CCDC171: variants seen among roughly 807,000 people sequenced by gnomAD.
The protein encoded by CCDC171 is coiled-coil domain-containing protein 171.
CCDC171 carries 177 observed loss-of-function variants against 168.2 expected under a neutral mutation model. The observed-to-expected ratio is 1.05, with a 90% confidence interval of 0.93 to 1.19. CCDC171 has a LOEUF of 1.19. Among genes scored for constraint, CCDC171 ranks in the 50% most tolerant of loss-of-function variants. The probability of loss-of-function intolerance (pLI) is 0.00; values close to 1 mark genes in which losing one functional copy is unlikely to be tolerated. For missense variants in CCDC171, 1,991 were observed against 1,539.0 expected, an observed-to-expected ratio of 1.29 and a Z score of -4.91; for synonymous variants, 687 against 540.8, an observed-to-expected ratio of 1.27 and a Z score of -3.75.
intron 6 of CCDC171, among the ~76,000 whole-genome samples, chr9:15,620,413 G>A (rs1320240905): frequency 6.6e-6 from 1 of 152,138 alleles, no homozygotes; most frequent in Middle Eastern, 3.2e-3. Flanking sequence ...GGTGGGGGCA[G>A]GTTTAGACTT....
intron 6 of CCDC171, among the ~76,000 whole-genome samples, chr9:16,027,684 C>G (rs930456491): frequency 1.3e-5 from 2 of 152,156 alleles, no homozygotes; most frequent in African/African-American, 4.8e-5. Flanking sequence ...AAACATTAAT[C>G]AGGACATTGT....
At chr9:15,676,504 G>C (rs1450545806) in intron 9 of CCDC171, among the ~76,000 whole-genome samples, 2 of 151,762 alleles carry the variant, frequency 1.3e-5, no homozygotes, top group South Asian at 2.1e-4. Context: ...GACTGGAGCT[G>C]TTCCTATTTG....
At chr9:15,596,939 C>G (rs867000239) in intron 6 of CCDC171, among the ~76,000 whole-genome samples, 1 of 152,190 alleles carries the variant, frequency 6.6e-6, no homozygotes, top group East Asian at 1.9e-4. Flanking sequence ...TGATTTGGCT[C>G]CCTGTTTGTC....
chr9:16,071,126 C>G, the CCDC171 span, among the ~76,000 whole-genome samples: 1 of 152,170 alleles, frequency 6.6e-6, no homozygotes, highest in African/African-American at 2.4e-5. Flanking sequence ...GGCGAATCCA[C>G]AGGAGAGAGG....
intron 2 of CCDC171, among the ~76,000 whole-genome samples, chr9:15,565,234 GC>G (rs1174701730): frequency 7.2e-5 from 11 of 151,872 alleles, no homozygotes; most frequent in African/African-American, 1.5e-4. Flanking sequence ...GATTATAGGC[GC>G]CTGCTGCCAC....
At chr9:15,783,090 G>T (rs1016555162) in intron 20 of CCDC171, among the ~76,000 whole-genome samples, 1 of 152,150 alleles carries the variant, frequency 6.6e-6, no homozygotes, top group Admixed American at 6.5e-5. Flanking sequence ...AAAGAGAAAT[G>T]AGTTTTAAAA....
intron 23 of CCDC171, among the ~76,000 whole-genome samples, chr9:15,865,384 T>TTGTGTGTG (rs71325943): frequency 0.094 from 14,189 of 150,508 alleles, 850 homozygotes; most frequent in Non-Finnish European, 0.14. Context: ...TTTGTCATAT[T>TTGTGTGTG]TGTGTGTGTG....
At chr9:15,900,444 C>T (rs1821473540) in intron 24 of CCDC171, among the ~76,000 whole-genome samples, 1 of 152,138 alleles carries the variant, frequency 6.6e-6, no homozygotes, top group Non-Finnish European at 1.5e-5. Context: ...AATGAGCTTG[C>T]AAGAGGACTC....
At chr9:15,632,471 G>T (rs1435279089) in intron 7 of CCDC171, among the ~76,000 whole-genome samples, 4 of 152,060 alleles carry the variant, frequency 2.6e-5, no homozygotes, top group Admixed American at 6.6e-5. Flanking sequence ...CAAGGGATGT[G>T]AAGGACCTCT....
chr9:15,916,095 A>T (rs1009259338), intron 24 of CCDC171, among the ~76,000 whole-genome samples: 1 of 151,952 alleles, frequency 6.6e-6, no homozygotes, highest in Non-Finnish European at 1.5e-5. Flanking sequence ...AACTTTTATT[A>T]TCAAAGAGAA....
At chr9:15,671,270 A>C (rs1247613032) in intron 9 of CCDC171, among the ~76,000 whole-genome samples, 1 of 152,036 alleles carries the variant, frequency 6.6e-6, no homozygotes, top group East Asian at 1.9e-4. Context: ...TATCATTTTA[A>C]ATTTCTTCTA....
At chr9:15,568,437 AT>A (rs200968258) in intron 2 of CCDC171, among the ~76,000 whole-genome samples, 61,925 of 151,834 alleles carry the variant, frequency 0.41, 14,251 homozygotes, top group East Asian at 0.73. Flanking sequence ...CGCCTGGAGA[AT>A]TTTTTGTATT....
At chr9:16,094,279 A>C in the CCDC171 span, among the ~76,000 whole-genome samples, 1 of 152,234 alleles carries the variant, frequency 6.6e-6, no homozygotes, top group Non-Finnish European at 1.5e-5. Flanking sequence ...CAAATCTAAA[A>C]TTTACAATGT....
chr9:15,583,015 C>A (rs969642599), intron 4 of CCDC171, among the ~76,000 whole-genome samples: 1 of 151,576 alleles, frequency 6.6e-6, no homozygotes, highest in Non-Finnish European at 1.5e-5. Context: ...GAAAAGAAGT[C>A]ATTATATGAA....
chr9:15,633,334 C>T (rs550324035), intron 7 of CCDC171, among the ~76,000 whole-genome samples: 4 of 152,058 alleles, frequency 2.6e-5, no homozygotes, highest in African/African-American at 7.2e-5. Flanking sequence ...AAGAAAAAAA[C>T]AAACAACCCC....
chr9:15,737,917 AGAGTTC>A (rs1245041213), intron 16 of CCDC171, among the ~76,000 whole-genome samples: 1 of 152,182 alleles, frequency 6.6e-6, no homozygotes, highest in East Asian at 1.9e-4. Flanking sequence ...GCAATGTCTG[AGAGTTC>A]CAATTTCCCT....
chr9:15,644,074 T>G (rs2046844397), intron 7 of CCDC171, among the ~76,000 whole-genome samples: 1 of 152,186 alleles, frequency 6.6e-6, no homozygotes, highest in Non-Finnish European at 1.5e-5. Context: ...TCATTTCTCT[T>G]GGGCAAATAT....
At chr9:16,056,972 G>A (rs1487726443) in intron 1 of CCDC171, among the ~76,000 whole-genome samples, 4 of 152,172 alleles carry the variant, frequency 2.6e-5, no homozygotes, top group African/African-American at 9.7e-5. Flanking sequence ...AAGTATTGGA[G>A]TTTTTATTTA....
intron 7 of CCDC171, 79 bp downstream of exon 7, chr9:15,623,492 C>T (rs1222858371): frequency 1.5e-6 from 1 of 658,748 alleles, no homozygotes; most frequent in Non-Finnish European, 2.4e-6. Flanking sequence ...CACACACACA[C>T]ACACACACAC....
Sources: gnomAD v4.1 joint callset for allele counts (sites outside exome capture counted in the v4.1 genomes callset) on GRCh38, gnomAD v4.1.1 for gene constraint, MANE v1.5 for transcripts, NCBI Gene and HGNC (gene_info 2026-07-23, HGNC 2026-07-21) for gene names.